Variants in CLINT1 observed in about 807,000 individuals in gnomAD.
CLINT1 encodes clathrin interacting protein localized in the trans-Golgi region.
Under a neutral mutation model 70.4 loss-of-function variants are expected in CLINT1, and 15 were observed. The ratio of observed to expected loss-of-function variants is 0.21; its 90% CI spans 0.14 to 0.33. The LOEUF is 0.33. CLINT1 is among the 10% of genes least tolerant of loss of function. The pLI is 1.00. For synonymous variants in CLINT1, 227 were observed against 254.7 expected, an observed-to-expected ratio of 0.89 and a Z score of 1.04; for missense variants, 615 against 778.1, an observed-to-expected ratio of 0.79 and a Z score of 2.49.
chr5:157,795,217 A>C, intron 8 of CLINT1: 1 of 439,480 alleles, frequency 2.3e-6, no homozygotes, highest in South Asian at 4.2e-5. Context: ...TGTTGTTAAA[A>C]TTATCTCACT....
chr5:157,818,267 T>C (rs751535166), intron 1 of CLINT1, among the ~76,000 whole-genome samples: 2 of 152,050 alleles, frequency 1.3e-5, no homozygotes, highest in Non-Finnish European at 2.9e-5. Flanking sequence ...TATGTGACCT[T>C]TGACAAAATT....
At chr5:157,841,712 C>A (rs1038023596) in intron 1 of CLINT1, among the ~76,000 whole-genome samples, 4 of 152,120 alleles carry the variant, frequency 2.6e-5, no homozygotes, top group Non-Finnish European at 5.9e-5. Context: ...CCTCCATCTG[C>A]GGAGCTCAAG....
intron 1 of CLINT1, among the ~76,000 whole-genome samples, chr5:157,826,209 T>C (rs1763031596): frequency 6.6e-6 from 1 of 152,142 alleles, no homozygotes; most frequent in East Asian, 1.9e-4. Flanking sequence ...TGGAAATGTC[T>C]GTACAGACTG....
intron 1 of CLINT1, among the ~76,000 whole-genome samples, chr5:157,830,024 C>T (rs948494994): frequency 1.4e-5 from 2 of 147,478 alleles, no homozygotes; most frequent in African/African-American, 5.2e-5. Flanking sequence ...TGATGCCTGA[C>T]TACAGTCTTG....
intron 1 of CLINT1, among the ~76,000 whole-genome samples, chr5:157,852,428 C>T (rs965339566): frequency 6.6e-6 from 1 of 152,154 alleles, no homozygotes; most frequent in African/African-American, 2.4e-5. Context: ...ATAATGATTT[C>T]ATGGATGAAG....
At chr5:157,833,077 G>C (rs529321454) in intron 1 of CLINT1, among the ~76,000 whole-genome samples, 2 of 152,266 alleles carry the variant, frequency 1.3e-5, no homozygotes, top group South Asian at 4.1e-4. Flanking sequence ...CAGGCCAGGC[G>C]CGGTGGCTCA....
chr5:157,833,088 C>T (rs1763298146), intron 1 of CLINT1, among the ~76,000 whole-genome samples: 1 of 152,164 alleles, frequency 6.6e-6, no homozygotes, highest in African/African-American at 2.4e-5. Context: ...CGGTGGCTCA[C>T]TCCTGTAATT....
chr5:157,794,043 C>A (rs967053806), intron 9 of CLINT1, among the ~76,000 whole-genome samples: 2 of 151,894 alleles, frequency 1.3e-5, no homozygotes, highest in Non-Finnish European at 2.9e-5. Context: ...AAAACAAATA[C>A]CACAACCTCT....
chr5:157,826,425 A>G lies in CLINT1; in HGVS notation c.42-8878T>C, dbSNP rs184523438. On this transcript the variant is annotated intron_variant, in intron 1 of 11. Coordinates refer to ENST00000411809, the MANE Select transcript of CLINT1 (RefSeq NM_014666.4). ...AAAGTTGATGTGTTCCTCTCTAAAT[A>G]TATGTAAAGTATTTATTTTCTGTCC... is the stretch of plus-strand genomic sequence containing the variant. 8.5e-5 allele frequency among the ~76,000 whole-genome samples: 13 copies of G among 152,178 alleles called. No individual in the cohort carries two copies. In the East Asian group the frequency reaches 1.7e-3, roughly 20 times the overall value.
At chr5:157,833,141 A>G (rs2113273387) in intron 1 of CLINT1, among the ~76,000 whole-genome samples, 1 of 152,260 alleles carries the variant, frequency 6.6e-6, no homozygotes, top group African/African-American at 2.4e-5. Flanking sequence ...ACTTGAGGTC[A>G]GGAAATCGAG....
chr5:157,823,570 T>C (rs1286233617), intron 1 of CLINT1: 1 of 160,254 alleles, frequency 6.2e-6, no homozygotes, highest in African/African-American at 2.4e-5. Context: ...ATTTTGGAAT[T>C]AATATGATTT....
rs780170944 is a variant in CLINT1, at chr5:157,858,971, C to T, written c.-1G>A. On this transcript the variant is annotated 5_prime_UTR_variant, in exon 1 of 12. Transcript: ENST00000411809. Reference sequence around the variant, plus strand: ...CGCGCACCTTCCACATGTTCAACATCGTGCCCCGCGCGGGACGGTCCGCCG... The same window carrying T: ...CGCGCACCTTCCACATGTTCAACATTGTGCCCCGCGCGGGACGGTCCGCCG... The T allele has an allele frequency of 2.5e-6, 4 of 1,607,302 alleles. No homozygotes were observed. The highest frequency in any genetic ancestry group is 1.3e-5 in the African/African-American group (1 of 74,608).
At chr5:157,790,422 T>C in intron 10 of CLINT1, 1 of 303,500 alleles carries the variant, frequency 3.3e-6, no homozygotes, top group South Asian at 3.0e-5. Context: ...CAGAGGTTCC[T>C]AGTGGTTATT....
chr5:157,805,888 T>G lies in CLINT1; in HGVS notation c.920A>C (p.His307Pro), dbSNP rs375245097. 2.6e-5 allele frequency: 42 copies of G among 1,614,002 alleles called. No homozygotes were observed. In the African/African-American group the frequency reaches 3.2e-4, roughly 12 times the overall value. Residue 307 changes from histidine to proline, a missense_variant, in exon 7 of 12, where the codon CAC (histidine) becomes CCC (proline). Transcript: ENST00000411809. ...KASPDQNAST[H>P]TPQSSVKTSV... ...CACCTTAACTGAAGACTGAGGTGTG[T>G]GGGTTGAAGCATTCTGATCTGGACT...
At chr5:157,825,375 C>A (rs1227689830) in intron 1 of CLINT1, among the ~76,000 whole-genome samples, 1 of 151,900 alleles carries the variant, frequency 6.6e-6, no homozygotes, top group Non-Finnish European at 1.5e-5. Context: ...GGAATTTGCA[C>A]AAAAATATTA....
intron 1 of CLINT1, among the ~76,000 whole-genome samples, chr5:157,828,745 TC>T (rs979133005): frequency 5.3e-5 from 8 of 151,924 alleles, no homozygotes; most frequent in Non-Finnish European, 1.2e-4. Context: ...CACCCCTAAC[TC>T]CCCTGACTCA....
intron 1 of CLINT1, among the ~76,000 whole-genome samples, chr5:157,824,486 AC>A (rs1469050504): frequency 1.3e-5 from 2 of 152,186 alleles, no homozygotes; most frequent in African/African-American, 4.8e-5. Context: ...GATATTCACC[AC>A]CCATCAGAAA....
At chr5:157,849,755 T>C (rs1753507393) in intron 1 of CLINT1, among the ~76,000 whole-genome samples, 1 of 152,220 alleles carries the variant, frequency 6.6e-6, no homozygotes, top group African/African-American at 2.4e-5. Context: ...TCTTGGCACA[T>C]GGCAAATGCT....
At chr5:157,816,685 G>A in intron 3 of CLINT1, 49 bp downstream of exon 3, 1 of 1,309,474 alleles carries the variant, frequency 7.6e-7, no homozygotes, top group Non-Finnish European at 1.1e-6. Flanking sequence ...TCAATTTCCA[G>A]CATTTGTTTT....
Sources: allele counts gnomAD v4.1 joint callset (sites outside exome capture counted in the v4.1 genomes callset), GRCh38; gene constraint gnomAD v4.1.1; transcripts MANE v1.5; gene names NCBI Gene and HGNC (gene_info 2026-07-23, HGNC 2026-07-21).